The following LAMA4 variants were observed in gnomAD, a reference collection of about 807,000 sequenced individuals.
The protein encoded by LAMA4 is laminin subunit alpha 4.
A neutral mutation model predicts 207.1 loss-of-function variants in LAMA4; 127 were observed. The ratio of observed to expected loss-of-function variants is 0.61; its 90% CI spans 0.53 to 0.71. LAMA4 has a LOEUF of 0.71. LAMA4 is among the 30% of genes least tolerant of loss of function. The pLI is 0.00. For missense variants in LAMA4, 2,093 were observed against 2,246.5 expected (o/e 0.93, Z 1.38); for synonymous variants, 761 against 816.0 (o/e 0.93, Z 1.15).
intron 2 of LAMA4, among the ~76,000 whole-genome samples, chr6:112,247,577 A>C (rs1787077881): frequency 6.6e-6 from 1 of 152,216 alleles, no homozygotes; most frequent in Non-Finnish European, 1.5e-5. Flanking sequence ...GCCACTCTGG[A>C]AGAGGGATTC....
intron 19 of LAMA4, among the ~76,000 whole-genome samples, chr6:112,142,522 AG>A (rs782394897): frequency 1.3e-5 from 2 of 152,218 alleles, no homozygotes; most frequent in African/African-American, 2.4e-5. Flanking sequence ...AGTAGATCCA[AG>A]AATGAGGATA....
At chr6:112,190,944 T>TTCCTTCC in intron 6 of LAMA4, among the ~76,000 whole-genome samples, 2 of 41,654 alleles carry the variant, frequency 4.8e-5, no homozygotes, top group African/African-American at 1.9e-4. Flanking sequence ...TCTTTCTTTC[T>TTCCTTCC]TTCCTTTCTT....
intron 12 of LAMA4, among the ~76,000 whole-genome samples, chr6:112,167,814 A>G (rs950979652): frequency 6.7e-6 from 1 of 149,190 alleles, no homozygotes; most frequent in Admixed American, 6.7e-5. Flanking sequence ...CTCACGGTCT[A>G]GTGGGGTTAG....
chr6:112,168,587 C>T (rs1163305304), intron 12 of LAMA4, among the ~76,000 whole-genome samples: 1 of 152,038 alleles, frequency 6.6e-6, no homozygotes, highest in East Asian at 1.9e-4. Flanking sequence ...CTCAGGTGAT[C>T]CACCTGCCTT....
In LAMA4 at chr6:112,199,758, C is replaced by G. The variant is rs575309996; in HGVS notation, c.503+1850G>C. On this transcript the variant is annotated intron_variant, in intron 5 of 38. Transcript: ENST00000230538. Reference sequence around the variant, plus strand: ...AGTGCAAAGATTTTTCTCTGTATCACAGATACTGTGGCTTTTTTTTTTTTG... The same window carrying G: ...AGTGCAAAGATTTTTCTCTGTATCAGAGATACTGTGGCTTTTTTTTTTTTG... Among the ~76,000 whole-genome samples the G allele has an allele frequency of 7.8e-5, 11 of 141,030 alleles. No homozygotes were observed. In the South Asian group the frequency reaches 1.6e-3, roughly 20 times the overall value. The allele number at this position is 141,030 out of a possible 152,430, so 92.5% of individuals were successfully genotyped here.
At chr6:112,182,097 A>AAAATAAAT (rs58426217) in intron 9 of LAMA4, among the ~76,000 whole-genome samples, 13,659 of 148,526 alleles carry the variant, frequency 0.092, 656 homozygotes, top group East Asian at 0.14. Context: ...ACTCTGTCTG[A>AAAATAAAT]AAATAAATAA....
At position 112,109,310 on chromosome 6, in the gene LAMA4, G is replaced by A. The variant is rs1243945783; in HGVS notation, c.*127C>T. On this transcript the variant is annotated 3_prime_UTR_variant, in exon 39 of 39. Coordinates refer to ENST00000230538, the MANE Select transcript of LAMA4 (RefSeq NM_001105206.3). Reference sequence around the variant, plus strand: ...AGAAATATCCGGTCCCTGATGATTCGTTTAAGTCCTGTTCAACTCGATGAA... The same window carrying A: ...AGAAATATCCGGTCCCTGATGATTCATTTAAGTCCTGTTCAACTCGATGAA... The A allele has an allele frequency of 6.0e-6, 6 of 1,005,606 alleles. No individual in the cohort carries two copies. Among genetic ancestry groups the A allele is most frequent in the South Asian group, 1.4e-5 (1 of 72,764 alleles). 62.3% of individuals were successfully genotyped at this position (1,005,606 alleles called of 1,614,324 possible).
At chr6:112,184,816 A>G (rs1246919694) in intron 9 of LAMA4, among the ~76,000 whole-genome samples, 1 of 152,284 alleles carries the variant, frequency 6.6e-6, no homozygotes, top group East Asian at 1.9e-4. Context: ...CTTTCTCAGG[A>G]CAATTCCCTT....
chr6:112,117,778 C>G lies in LAMA4; in HGVS notation c.4942G>C (p.Gly1648Arg), dbSNP rs1778110012. 2 of 1,613,750 alleles carry G rather than the reference C, an allele frequency of 1.2e-6. No homozygotes were observed. The highest frequency in any genetic ancestry group is 1.7e-6 in the Non-Finnish European group (2 of 1,179,776). Residue 1648 changes from glycine (G) to arginine (R), a missense_variant, in exon 35 of 39, where the codon GGA becomes CGA. Physicochemically the swap from Gly to Arg is moderately radical, Grantham distance 125. This residue lies in a region of LAMA4 where 383 missense variants were observed against 437.8 expected (regional missense o/e 0.87). Coordinates refer to ENST00000230538, the MANE Select transcript of LAMA4 (RefSeq NM_001105206.3). This position sits in a 1 kb window ranked among gnomAD's most constrained non-coding sequence, Gnocchi z 4.5. ...TPCFEGPMET[G>R]TYFSTEGGYV... ...CCTCCTTCTGTTGAAAAGTAAGTTC[C>G]TGTTTCCATGGGGCCTTCAAAGCAA... is the stretch of plus-strand genomic sequence containing the variant.
intron 13 of LAMA4, among the ~76,000 whole-genome samples, chr6:112,160,009 T>C (rs987512031): frequency 3.3e-5 from 5 of 152,200 alleles, no homozygotes; most frequent in East Asian, 3.8e-4. Context: ...AGCTGCTTAA[T>C]ACTGGGACTG....
chr6:112,121,879 G>T lies in LAMA4; in HGVS notation c.4475+135C>A, dbSNP rs944418590. 19 of 755,648 alleles carry T rather than the reference G, an allele frequency of 2.5e-5. No individual in the cohort carries two copies. In the African/African-American group the frequency reaches 3.1e-4, roughly 12 times the overall value. 46.8% of individuals were successfully genotyped at this position (755,648 alleles called of 1,614,324 possible). Reference sequence around the variant, plus strand: ...TAGCATAAATCATGTACTATTTAGTGTTTATTTTGGTGATAACATAATAGG... The same window carrying T: ...TAGCATAAATCATGTACTATTTAGTTTTTATTTTGGTGATAACATAATAGG... On this transcript the variant is annotated intron_variant, in intron 32 of 38. Coordinates refer to ENST00000230538, the MANE Select transcript of LAMA4 (RefSeq NM_001105206.3).
chr6:112,119,018 C>T (rs1778191826), intron 34 of LAMA4, 138 bp downstream of exon 34: 1 of 850,320 alleles, frequency 1.2e-6, no homozygotes, highest in Non-Finnish European at 1.9e-6. Flanking sequence ...ACAGTACTTA[C>T]TTTGATATCC....
chr6:112,233,140 G>T (rs1785670548), intron 2 of LAMA4, among the ~76,000 whole-genome samples: 1 of 152,190 alleles, frequency 6.6e-6, no homozygotes, highest in Non-Finnish European at 1.5e-5. Flanking sequence ...GGGACACCGT[G>T]GTTGACTATT....
intron 32 of LAMA4, 135 bp from the exon 33 acceptor site, chr6:112,120,607 A>G: frequency 1.4e-6 from 1 of 696,256 alleles, no homozygotes; most frequent in Non-Finnish European, 2.5e-6. Context: ...ATTATTCCAC[A>G]CTTAGTATTA....
Position 112,141,399 on chromosome 6 carries a change from G to A in LAMA4, c.2772C>T (p.Val924=), listed in dbSNP as rs374642396. 7.4e-5 allele frequency: 119 copies of A among 1,613,962 alleles called. No homozygotes were observed. The highest frequency in any genetic ancestry group is 7.7e-5 in the Non-Finnish European group (91 of 1,179,954). The change falls in exon 21 of 39, where the codon GTC becomes GTT. Residue 924 remains valine, a synonymous_variant. Coordinates refer to ENST00000230538, the MANE Select transcript of LAMA4 (RefSeq NM_001105206.3). The stretch of plus-strand genomic sequence containing the variant: ...TGCTGAAGTAAGCAGGCCAGGAACT[G>A]ACGGGCTTGGAGTCCAGGGGAATCT... ...DVEIPLDSKP[V]SSWPAYFSIV... is the part of the protein sequence containing the mutation.
chr6:112,193,559 G>A lies in LAMA4; in HGVS notation c.504-1709C>T, dbSNP rs558496483. Among the ~76,000 whole-genome samples the A allele has an allele frequency of 1.1e-3, 170 of 152,216 alleles. 1 individual carries two copies. Among genetic ancestry groups the A allele is most frequent in the Admixed American group, 3.1e-3 (48 of 15,288 alleles). On this transcript the variant is annotated intron_variant, in intron 5 of 38. Coordinates refer to ENST00000230538, the MANE Select transcript of LAMA4 (RefSeq NM_001105206.3). ...ATGTTCCTTCAGCCTCTGTTCCCAT[G>A]TCTCAGTTTCTTGGTGTAGTTGTAG... is the stretch of plus-strand genomic sequence containing the variant.
chr6:112,223,741 G>A (rs1457106388), intron 2 of LAMA4, among the ~76,000 whole-genome samples: 1 of 152,218 alleles, frequency 6.6e-6, no homozygotes, highest in Non-Finnish European at 1.5e-5. Flanking sequence ...GGCACAAAGT[G>A]AAAGTGACTG....
rs1554336779 is a variant in LAMA4, at chr6:112,155,672, G to A, written c.1852C>T (p.Gln618Ter). The A allele has an allele frequency of 1.2e-6, 2 of 1,614,032 alleles. No homozygotes were observed. Among genetic ancestry groups the A allele is most frequent in the Admixed American group, 1.7e-5 (1 of 60,026 alleles). ...LHSSDMNGLVQKALDASNVYE... is the reference protein window; with the variant it reads ...LHSSDMNGLV Reference sequence around the variant, plus strand: ...ACATTTGATGCATCCAAAGCCTTCTGTACCAGCCCGTTCATATCTGAACTG... The same window carrying A: ...ACATTTGATGCATCCAAAGCCTTCTATACCAGCCCGTTCATATCTGAACTG... Residue 618 changes from glutamine (Q) to a stop codon, truncating the protein, a stop_gained, in exon 15 of 39, where the codon CAG becomes TAG. Coordinates refer to ENST00000230538, the MANE Select transcript of LAMA4 (RefSeq NM_001105206.3). LOFTEE classifies it high-confidence loss of function.
intron 6 of LAMA4, among the ~76,000 whole-genome samples, chr6:112,190,962 TTCTTTCTTTCTTTCTTTCTTTCTTTCC>T (rs1783071719): frequency 6.9e-6 from 1 of 145,898 alleles, no homozygotes; most frequent in East Asian, 2.0e-4. Flanking sequence ...CTTTCTTTCT[TTCTTTCTTTCTTTCTTTCTTTCTTTCC>T]TCTTTCTTTC....
Sources: gnomAD v4.1 joint callset for allele counts (sites outside exome capture counted in the v4.1 genomes callset) on GRCh38, gnomAD v4.1.1 for gene constraint, gnomAD v4.1.1 regional missense constraint, Gnocchi (gnomAD v3.1) non-coding constraint, MANE v1.5 for transcripts, NCBI Gene and HGNC (gene_info 2026-07-23, HGNC 2026-07-21) for gene names.